TPRA1: variants seen among roughly 807,000 people sequenced by gnomAD.
The protein encoded by TPRA1 is transmembrane protein adipocyte associated 1, also known as transmembrane protein adipocyte-associated 1.
A neutral mutation model predicts 40.1 loss-of-function variants in TPRA1; 28 were observed. That is an observed-to-expected ratio of 0.70 (90% CI 0.52 to 0.96). The LOEUF is 0.96. Ranked by LOEUF, TPRA1 falls within the 40% of genes least tolerant of loss-of-function variation. The pLI is 0.00. For synonymous variants in TPRA1, 219 were observed against 209.7 expected, an observed-to-expected ratio of 1.04 and a Z score of -0.38; for missense variants, 441 against 482.6, an observed-to-expected ratio of 0.91 and a Z score of 0.81.
chr3:127,573,327 T>G lies in TPRA1; in HGVS notation c.*194A>C. 2 of 632,082 alleles carry G rather than the reference T, an allele frequency of 3.2e-6. No individual in the cohort carries two copies. The highest frequency in any genetic ancestry group is 5.2e-6 in the Non-Finnish European group (2 of 384,552). The allele number at this position is 632,082 out of a possible 1,614,324, so 39.2% of individuals were successfully genotyped here. On this transcript the variant is annotated 3_prime_UTR_variant, in exon 11 of 11. Transcript: ENST00000355552. ...AGAGCAGGTGGGAAGGGGAGGAGGG[T>G]CCCCAGTGAGAGCAGAGATGGCAAA...
intron 2 of TPRA1, 41 bp downstream of exon 2, chr3:127,579,981 C>T: frequency 6.2e-7 from 1 of 1,611,740 alleles, no homozygotes; most frequent in Non-Finnish European, 8.5e-7. Flanking sequence ...GGAAAAGCCA[C>T]TGACACTCAG....
At position 127,575,253 on chromosome 3, in the gene TPRA1, G is replaced by A; in HGVS notation, c.786C>T (p.Ala262=). 1.2e-6 allele frequency: 2 copies of A among 1,613,920 alleles called. No individual in the cohort carries two copies. Among genetic ancestry groups the A allele is most frequent in the Non-Finnish European group, 1.7e-6 (2 of 1,179,926 alleles). Residue 262 remains alanine, a synonymous_variant, in exon 10 of 11, where the codon GCC becomes GCT. Transcript: ENST00000355552. ...AGAAGCTGAAGTACAGGAAGGTTGT[G>A]GCATCTACACAGCTGCGGAGAAGGC... ...DIIEGLCCVD[A]TTFLYFSFFA...
chr3:127,591,499 C>T (rs1460155115), upstream of TPRA1, among the ~76,000 whole-genome samples: 3 of 152,198 alleles, frequency 2.0e-5, no homozygotes, highest in Non-Finnish European at 4.4e-5. Flanking sequence ...TATCCCCTGG[C>T]ATCGATGCTG....
intron 1 of TPRA1, among the ~76,000 whole-genome samples, chr3:127,583,647 C>T (rs996747744): frequency 2.3e-4 from 35 of 151,196 alleles, no homozygotes; most frequent in South Asian, 6.3e-4. Context: ...GGGAGGGGGG[C>T]AAAGAAGCCC....
intron 1 of TPRA1, among the ~76,000 whole-genome samples, chr3:127,585,570 C>T (rs1390594528): frequency 6.6e-6 from 1 of 152,194 alleles, no homozygotes; most frequent in Non-Finnish European, 1.5e-5. Context: ...GCAGGTGGAA[C>T]AGAGGGACTT....
chr3:127,584,447 TAAAAAAAAA>T (rs1163065087), intron 1 of TPRA1, among the ~76,000 whole-genome samples: 11 of 20,860 alleles, frequency 5.3e-4, no homozygotes, highest in East Asian at 2.6e-3. Context: ...AGACCCTGTC[TAAAAAAAAA>T]AAAAAAAAAA....
In TPRA1 at chr3:127,576,616, C is replaced by T; in HGVS notation, c.498+1G>A. 6.2e-7 allele frequency: 1 copy of T among 1,601,720 alleles called. No homozygotes were observed. On this transcript the variant is annotated splice_donor_variant, in intron 6 of 10. Coordinates refer to ENST00000355552, the MANE Select transcript of TPRA1 (RefSeq NM_001136053.4). LOFTEE classifies it high-confidence loss of function. The surrounding 1 kb of genome is among the most constrained non-coding windows in gnomAD (Gnocchi z 4.6). Reference sequence around the variant, plus strand: ...TCCCCTGCCCACACTCACCCTCTTACCTGGGTGACAGAGTAGGCCAGGGAC... The same window carrying T: ...TCCCCTGCCCACACTCACCCTCTTATCTGGGTGACAGAGTAGGCCAGGGAC...
intron 3 of TPRA1, 109 bp from the exon 4 acceptor site, chr3:127,577,185 A>G: frequency 8.5e-7 from 1 of 1,177,664 alleles, no homozygotes; most frequent in Admixed American, 2.0e-5. Flanking sequence ...CTGAGGTCGG[A>G]AAGGAGGAAG....
At chr3:127,575,365 T>C in intron 9 of TPRA1, 38 bp downstream of exon 9, 1 of 1,571,708 alleles carries the variant, frequency 6.4e-7, no homozygotes. Flanking sequence ...CCACTTCCCA[T>C]GCCCCCACGA....
intron 1 of TPRA1, among the ~76,000 whole-genome samples, chr3:127,581,578 G>A (rs1403364906): frequency 6.6e-6 from 1 of 152,116 alleles, no homozygotes; most frequent in Non-Finnish European, 1.5e-5. Context: ...ACACACCGAT[G>A]ACTCCTAAGT....
chr3:127,575,736 G>T lies in TPRA1; in HGVS notation c.670+13C>A. ...ATCCCCGCCTGTCCCAGAGCCGCCG[G>T]CCAGCTGCTCACAAGGCAGGGAGAT... is the stretch of plus-strand genomic sequence containing the variant. On this transcript the variant is annotated intron_variant, in intron 8 of 10. Transcript: ENST00000355552. 6.2e-7 allele frequency: 1 copy of T among 1,613,212 alleles called. No individual in the cohort carries two copies. The highest frequency in any genetic ancestry group is 8.5e-7 in the Non-Finnish European group (1 of 1,179,810).
chr3:127,575,847 GC>G, intron 7 of TPRA1, 38 bp from the exon 8 acceptor site: 1 of 1,611,528 alleles, frequency 6.2e-7, no homozygotes, highest in Non-Finnish European at 8.5e-7. Context: ...TGCTGGGGGC[GC>G]CAGCCCAGAC....
intron 1 of TPRA1, among the ~76,000 whole-genome samples, chr3:127,589,306 AG>A (rs746749980): frequency 1.1e-4 from 16 of 152,224 alleles, no homozygotes; most frequent in Non-Finnish European, 2.2e-4. Flanking sequence ...TCTGTGCAAC[AG>A]GATTGACCAA....
intron 1 of TPRA1, among the ~76,000 whole-genome samples, chr3:127,585,379 C>T (rs1325048530): frequency 1.3e-5 from 2 of 152,190 alleles, no homozygotes; most frequent in South Asian, 2.1e-4. Context: ...ACATGCAACT[C>T]GACTTCACTC....
Position 127,579,127 on chromosome 3 carries a change from C to T in TPRA1, c.258+613G>A, listed in dbSNP as rs2073744552. ...TGCCTTCTCAACCACAGCCCTGACA[C>T]CTCTCCCCAGGCAACACGTGCCAGG... is the stretch of plus-strand genomic sequence containing the variant. On this transcript the variant is annotated intron_variant, in intron 3 of 10. Coordinates refer to ENST00000355552, the MANE Select transcript of TPRA1 (RefSeq NM_001136053.4). 2.6e-5 allele frequency among the ~76,000 whole-genome samples: 4 copies of T among 152,366 alleles called. No homozygotes were observed. In the South Asian group the frequency reaches 8.3e-4, roughly 32 times the overall value.
intron 1 of TPRA1, among the ~76,000 whole-genome samples, chr3:127,584,372 C>A (rs60396277): frequency 0.033 from 4,751 of 143,358 alleles, 252 homozygotes; most frequent in African/African-American, 0.11. Context: ...AGCCCAGGAG[C>A]TCCAGGCAGC....
chr3:127,575,037 T>C (rs1335197954), intron 10 of TPRA1, 148 bp downstream of exon 10: 4 of 804,744 alleles, frequency 5.0e-6, no homozygotes, highest in East Asian at 2.7e-5. Context: ...TGTATCTGTA[T>C]GTGTGTGCCC....
chr3:127,575,337 G>A lies in TPRA1; in HGVS notation c.773+66C>T, dbSNP rs765859307. The stretch of plus-strand genomic sequence containing the variant: ...CTCCACACCTCCCCATGCCCCCAGC[G>A]GGTGGACACCCTGCCGCCCACTTCC... On this transcript the variant is annotated intron_variant, in intron 9 of 10. Coordinates refer to ENST00000355552, the MANE Select transcript of TPRA1 (RefSeq NM_001136053.4). 1.4e-5 allele frequency: 22 copies of A among 1,578,848 alleles called. No individual in the cohort carries two copies. In the African/African-American group the frequency reaches 2.3e-4, roughly 17 times the overall value.
At chr3:127,582,306 T>G (rs2073857539) in intron 1 of TPRA1, among the ~76,000 whole-genome samples, 1 of 151,932 alleles carries the variant, frequency 6.6e-6, no homozygotes, top group South Asian at 2.1e-4. Flanking sequence ...TGACTCACAC[T>G]TGCAATCCCA....
Sources: allele counts gnomAD v4.1 joint callset (sites outside exome capture counted in the v4.1 genomes callset), GRCh38; gene constraint gnomAD v4.1.1; non-coding constraint Gnocchi (gnomAD v3.1); transcripts MANE v1.5; gene names NCBI Gene and HGNC (gene_info 2026-07-23, HGNC 2026-07-21).